PACSIN1: variants seen among roughly 807,000 people sequenced by gnomAD.
PACSIN1 encodes protein kinase C and casein kinase substrate in neurons protein 1.
Under a neutral mutation model 59.5 loss-of-function variants are expected in PACSIN1, and 15 were observed. The ratio of observed to expected loss-of-function variants is 0.25; its 90% CI spans 0.17 to 0.39. The LOEUF (loss-of-function observed/expected upper bound fraction) is 0.39. Among genes scored for constraint, PACSIN1 ranks in the 10% least tolerant of loss-of-function variants. The pLI, the probability that PACSIN1 is intolerant of heterozygous loss-of-function variation, is 1.00. For synonymous variants in PACSIN1, 210 were observed against 220.6 expected, an observed-to-expected ratio of 0.95 and a Z score of 0.42; for missense variants, 420 against 580.2, an observed-to-expected ratio of 0.72 and a Z score of 2.84.
At chr6:34,524,343 C>A (rs1048841734) in intron 1 of PACSIN1, among the ~76,000 whole-genome samples, 2 of 152,140 alleles carry the variant, frequency 1.3e-5, no homozygotes, top group Non-Finnish European at 2.9e-5. Flanking sequence ...ACACACGAGG[C>A]ACATTAAAAA....
At chr6:34,482,662 G>T (rs1315260798) in intron 1 of PACSIN1, among the ~76,000 whole-genome samples, 2 of 146,454 alleles carry the variant, frequency 1.4e-5, no homozygotes, top group African/African-American at 5.2e-5. Context: ...GGGTCATATG[G>T]TAACTCTATG....
chr6:34,495,763 A>T (rs1561960931), intron 1 of PACSIN1, among the ~76,000 whole-genome samples: 1 of 152,076 alleles, frequency 6.6e-6, no homozygotes, highest in Non-Finnish European at 1.5e-5. Context: ...AGGAATGTGT[A>T]TTTTTTAAAG....
rs763020554 is a variant in PACSIN1, at chr6:34,525,171, G to A, written c.-63-1072G>A. On this transcript the variant is annotated intron_variant, in intron 1 of 9. Coordinates refer to ENST00000244458, the MANE Select transcript of PACSIN1 (RefSeq NM_020804.5). The surrounding 1 kb of genome is among the most constrained non-coding windows in gnomAD (Gnocchi z 4.9). ...CAGCCGTCCTCCCTCTCACCCACCCGCACTGTGCGTGAGTTTATGGGAAAG... is the reference window on the plus strand; with the variant it reads ...CAGCCGTCCTCCCTCTCACCCACCCACACTGTGCGTGAGTTTATGGGAAAG... Among the ~76,000 whole-genome samples, 20 of 152,200 alleles carry A rather than the reference G, an allele frequency of 1.3e-4. No homozygotes were observed. Among genetic ancestry groups the A allele is most frequent in the Non-Finnish European group, 2.5e-4 (17 of 68,032 alleles).
rs548402548 is a variant in PACSIN1, at chr6:34,521,048, C to T, written c.-63-5195C>T. Among the ~76,000 whole-genome samples, 7 of 152,326 alleles carry T rather than the reference C, an allele frequency of 4.6e-5. No individual in the cohort carries two copies. The highest frequency in any genetic ancestry group is 2.1e-4 in the South Asian group (1 of 4,826). ...TTCATTCATTCATTCAACAAAAGTG[C>T]ACTGCGCACTTACTATGTTGCCGGC... On this transcript the variant is annotated intron_variant, in intron 1 of 9. Transcript: ENST00000244458. This position sits in a 1 kb window ranked among gnomAD's most constrained non-coding sequence, Gnocchi z 4.3.
At chr6:34,472,007 G>A (rs889710481) in intron 1 of PACSIN1, among the ~76,000 whole-genome samples, 8 of 152,174 alleles carry the variant, frequency 5.3e-5, no homozygotes, top group Admixed American at 2.0e-4. Context: ...TGGTCATCAC[G>A]TACTGATAAG....
At chr6:34,475,955 C>G in intron 1 of PACSIN1, among the ~76,000 whole-genome samples, 1 of 152,184 alleles carries the variant, frequency 6.6e-6, no homozygotes, top group East Asian at 1.9e-4. Context: ...GATTAGCGGA[C>G]AAATCGTCTT....
intron 1 of PACSIN1, among the ~76,000 whole-genome samples, chr6:34,471,817 T>C (rs369561633): frequency 1.3e-5 from 2 of 152,208 alleles, no homozygotes; most frequent in East Asian, 1.9e-4. Context: ...CAAAGCTAGA[T>C]GTCTGTCAGG....
chr6:34,529,330 A>T lies in PACSIN1; in HGVS notation c.457-67A>T. ...CCAGGGAGTGGGCAGGGGAGGAGTT[A>T]ATGGGTGACCATGTTTGCTGCTGGT... On this transcript the variant is annotated intron_variant, in intron 4 of 9. Coordinates refer to ENST00000244458, the MANE Select transcript of PACSIN1 (RefSeq NM_020804.5). The surrounding 1 kb of genome is among the most constrained non-coding windows in gnomAD (Gnocchi z 6.3). The T allele has an allele frequency of 6.4e-7, 1 of 1,573,024 alleles. No individual in the cohort carries two copies. The highest frequency in any genetic ancestry group is 8.7e-7 in the Non-Finnish European group (1 of 1,147,358).
intron 1 of PACSIN1, among the ~76,000 whole-genome samples, chr6:34,483,387 G>C (rs1376183543): frequency 6.6e-6 from 1 of 152,156 alleles, no homozygotes; most frequent in African/African-American, 2.4e-5. Context: ...TTGGGATGTA[G>C]GACCAACCTT....
At chr6:34,502,701 T>G (rs914997953) in intron 1 of PACSIN1, among the ~76,000 whole-genome samples, 5 of 151,664 alleles carry the variant, frequency 3.3e-5, no homozygotes, top group African/African-American at 9.7e-5. Context: ...CTCCTGACCT[T>G]GTGATCTGCC....
rs977612131 is a variant in PACSIN1, at chr6:34,531,885, G to A, written c.1225+98G>A. 9 of 1,186,448 alleles carry A rather than the reference G, an allele frequency of 7.6e-6. No homozygotes were observed. The Admixed American group carries it at 1.9e-4, about 25-fold the overall frequency. The allele number at this position is 1,186,448 out of a possible 1,614,324, so 73.5% of individuals were successfully genotyped here. ...GTGCCTGAGAGAGAAGCTTGGGTCT[G>A]GATTGGGTGTGTGGTGGTGCAGGGG... On this transcript the variant is annotated intron_variant, in intron 9 of 9. Transcript: ENST00000244458. The surrounding 1 kb of genome is among the most constrained non-coding windows in gnomAD (Gnocchi z 4.4).
chr6:34,528,376 G>T (rs990991313), intron 3 of PACSIN1, among the ~76,000 whole-genome samples: 2 of 152,224 alleles, frequency 1.3e-5, no homozygotes, highest in Non-Finnish European at 2.9e-5. Flanking sequence ...GCTGACAAGA[G>T]AGATAAGGAG....
chr6:34,478,623 G>A (rs549061785), intron 1 of PACSIN1, among the ~76,000 whole-genome samples: 3 of 151,546 alleles, frequency 2.0e-5, no homozygotes, highest in East Asian at 3.9e-4. Context: ...CTCCTGCCTC[G>A]GCCTCCCGAA....
Position 34,530,625 on chromosome 6 carries a change from G to T in PACSIN1, c.1037+38G>T, listed in dbSNP as rs532585796. The T allele has an allele frequency of 2.1e-5, 32 of 1,507,776 alleles. No homozygotes were observed. Among genetic ancestry groups the T allele is most frequent in the Non-Finnish European group, 2.8e-5 (32 of 1,127,832 alleles). 93.4% of individuals were successfully genotyped at this position (1,507,776 alleles called of 1,614,324 possible). A position where few individuals can be genotyped will look rare whatever the true frequency, so the allele number is the denominator to read the frequency against. On this transcript the variant is annotated intron_variant, in intron 8 of 9. Transcript: ENST00000244458. This position sits in a 1 kb window ranked among gnomAD's most constrained non-coding sequence, Gnocchi z 4.4. ...TGTGGAGCTTCCTGGGGCCAAGAGG[G>T]ACCCACACTCTGGGGCAGCTGAGTT...
rs368149319 is a variant in PACSIN1 at position 34,504,290 on chromosome 6, ATTTTTT to A, written c.-63-21939_-63-21934del. Among the ~76,000 whole-genome samples the A allele has an allele frequency of 5.5e-3, 515 of 94,018 alleles. 1 individual carries two copies. The highest frequency in any genetic ancestry group is 0.011 in the African/African-American group (253 of 22,458). The allele number at this position is 94,018 out of a possible 152,430, so 61.7% of individuals were successfully genotyped here. A position where few individuals can be genotyped will look rare whatever the true frequency, so the allele number is the denominator to read the frequency against. On this transcript the variant is annotated intron_variant, in intron 1 of 9. Transcript: ENST00000244458. The stretch of plus-strand genomic sequence containing the variant: ...TGTGTGTATATATATATATATATAT[ATTTTTT>A]TTTTTTTTTTTTTAAACGGAGTTTT...
At chr6:34,505,420 T>C (rs904433268) in intron 1 of PACSIN1, among the ~76,000 whole-genome samples, 5 of 152,006 alleles carry the variant, frequency 3.3e-5, no homozygotes, top group African/African-American at 1.2e-4. Context: ...TCTTTGAATG[T>C]TTTTTCAGCC....
intron 1 of PACSIN1, among the ~76,000 whole-genome samples, chr6:34,497,949 A>G (rs1238325596): frequency 6.6e-6 from 1 of 152,230 alleles, no homozygotes; most frequent in Non-Finnish European, 1.5e-5. Flanking sequence ...GTTTCATTCC[A>G]GGCTGCCCAT....
chr6:34,498,720 C>T (rs941958353), intron 1 of PACSIN1, among the ~76,000 whole-genome samples: 4 of 146,746 alleles, frequency 2.7e-5, no homozygotes, highest in South Asian at 4.3e-4. Flanking sequence ...CACCTGAGCC[C>T]GGGAAGGTCA....
intron 1 of PACSIN1, 83 bp from the exon 2 acceptor site, chr6:34,526,160 G>A (rs905223069): frequency 8.0e-6 from 5 of 628,878 alleles, no homozygotes; most frequent in South Asian, 5.7e-5. Flanking sequence ...GGGTCCCATC[G>A]GTTTGGGGAC....
Sources: gnomAD v4.1 joint callset for allele counts (sites outside exome capture counted in the v4.1 genomes callset) on GRCh38, gnomAD v4.1.1 for gene constraint, Gnocchi (gnomAD v3.1) non-coding constraint, MANE v1.5 for transcripts, NCBI Gene and HGNC (gene_info 2026-07-23, HGNC 2026-07-21) for gene names.